EGFLAM: variants seen among roughly 807,000 people sequenced by gnomAD.
EGFLAM encodes the protein pikachurin.
In EGFLAM, 79 loss-of-function variants were observed where a neutral mutation model predicts 113.1. That is an observed-to-expected ratio of 0.70 (90% CI 0.58 to 0.84). The LOEUF (loss-of-function observed/expected upper bound fraction) is 0.84, where lower values mean the gene tolerates loss of function less well. EGFLAM is among the 40% of genes least tolerant of loss of function. The pLI is 0.00. For synonymous variants in EGFLAM, 504 were observed against 487.6 expected, an observed-to-expected ratio of 1.03 and a Z score of -0.44; for missense variants, 1,265 against 1,291.6, an observed-to-expected ratio of 0.98 and a Z score of 0.32.
rs1413357360 is a variant in EGFLAM at position 38,352,183 on chromosome 5, T to A, written c.410-13T>A. 1 of 1,613,940 alleles carries A rather than the reference T, an allele frequency of 6.2e-7. No individual in the cohort carries two copies. Among genetic ancestry groups the A allele is most frequent in the Non-Finnish European group, 8.5e-7 (1 of 1,179,912 alleles). ...CACCAGCCTAGTCTAGTTGTGTTTG[T>A]CATCCCACCTAGATTCCTGCCTGCC... On this transcript the variant is annotated splice_polypyrimidine_tract_variant and intron_variant, in intron 4 of 21. Transcript: ENST00000322350.
In EGFLAM at chr5:38,370,393, G is replaced by T. The variant is rs943060822; in HGVS notation, c.643G>T (p.Ala215Ser). The T allele has an allele frequency of 1.2e-6, 2 of 1,614,096 alleles. No individual in the cohort carries two copies. Among genetic ancestry groups the T allele is most frequent in the African/African-American group, 2.7e-5 (2 of 74,932 alleles). ...CGATCCAGATACCAACTACCAGTTT[G>T]CCGTGAGGGCAATGAATTCCCATGG... is the stretch of plus-strand genomic sequence containing the variant. ...GLDPDTNYQFAVRAMNSHGPS... is the reference protein window; with the variant it reads ...GLDPDTNYQFSVRAMNSHGPS... Residue 215 changes from alanine to serine, a missense_variant, in exon 6 of 22, where the codon GCC (alanine) becomes TCC (serine). Physicochemically the swap from Ala to Ser is moderately conservative, Grantham distance 99 (BLOSUM62 1). Transcript: ENST00000322350.
intron 1 of EGFLAM, among the ~76,000 whole-genome samples, chr5:38,292,813 A>C (rs1758368132): frequency 6.6e-6 from 1 of 152,230 alleles, no homozygotes; most frequent in Non-Finnish European, 1.5e-5. Flanking sequence ...AGGAAAAGAC[A>C]GCATAAAGAG....
intron 1 of EGFLAM, among the ~76,000 whole-genome samples, chr5:38,335,860 T>C (rs1210203188): frequency 6.6e-6 from 1 of 152,220 alleles, no homozygotes; most frequent in Non-Finnish European, 1.5e-5. Context: ...AGTTGCAAAG[T>C]ATCCTAACTG....
At chr5:38,388,709 G>A (rs557117515) in intron 6 of EGFLAM, among the ~76,000 whole-genome samples, 1 of 150,188 alleles carries the variant, frequency 6.7e-6, no homozygotes, top group East Asian at 2.0e-4. Flanking sequence ...GCAGGGAGCC[G>A]AGATTGGGCC....
chr5:38,360,950 G>A (rs983398601), intron 5 of EGFLAM, among the ~76,000 whole-genome samples: 13 of 151,576 alleles, frequency 8.6e-5, no homozygotes, highest in African/African-American at 2.9e-4. Flanking sequence ...CACTTCCCAG[G>A]TTCAAGCAAT....
At chr5:38,392,848 G>T (rs1483144217) in intron 6 of EGFLAM, among the ~76,000 whole-genome samples, 1 of 151,936 alleles carries the variant, frequency 6.6e-6, no homozygotes, top group Non-Finnish European at 1.5e-5. Context: ...CCTACCCCAC[G>T]ACAGGCCCCG....
At chr5:38,317,125 A>C (rs560694942) in intron 1 of EGFLAM, among the ~76,000 whole-genome samples, 1 of 152,328 alleles carries the variant, frequency 6.6e-6, no homozygotes, top group Non-Finnish European at 1.5e-5. Flanking sequence ...TATGATCTTG[A>C]ACATGTCAAA....
At chr5:38,398,831 A>G (rs1018845149) in intron 6 of EGFLAM, among the ~76,000 whole-genome samples, 1 of 152,252 alleles carries the variant, frequency 6.6e-6, no homozygotes, top group African/African-American at 2.4e-5. Context: ...GAGATGACCC[A>G]GTTTCTGTCT....
At chr5:38,402,638 A>G (rs1326994295) in intron 6 of EGFLAM, among the ~76,000 whole-genome samples, 1 of 152,088 alleles carries the variant, frequency 6.6e-6, no homozygotes, top group East Asian at 1.9e-4. Context: ...ACTACTCTTA[A>G]CTCAGTTTTC....
At chr5:38,442,489 AAG>A (rs1443167204) in intron 17 of EGFLAM, among the ~76,000 whole-genome samples, 3 of 151,036 alleles carry the variant, frequency 2.0e-5, no homozygotes, top group Non-Finnish European at 4.4e-5. Flanking sequence ...TTAATTGGAA[AAG>A]AGAGGTTATT....
Position 38,338,714 on chromosome 5 carries a change from T to A in EGFLAM, c.224T>A (p.Val75Asp). 2 of 1,614,224 alleles carry A rather than the reference T, an allele frequency of 1.2e-6. No homozygotes were observed. The highest frequency in any genetic ancestry group is 1.7e-6 in the Non-Finnish European group (2 of 1,180,026). ...ILGYTVFYSE[V>D]GADKSLQEQL... is the part of the protein sequence containing the mutation. ...CTTTTCAAGGTCTTTTACTCTGAGG[T>A]TGGCGCAGATAAATCCCTGCAGGAG... Residue 75 changes from valine to aspartate, a missense_variant, in exon 3 of 22, where the codon GTT (valine) becomes GAT (aspartate). By Grantham distance (152) the Val-to-Asp change is radical. Transcript: ENST00000322350.
In EGFLAM at chr5:38,303,102, A is replaced by G. The variant is rs540106925; in HGVS notation, c.98-34418A>G. 3.9e-5 allele frequency among the ~76,000 whole-genome samples: 6 copies of G among 152,232 alleles called. No homozygotes were observed. The South Asian group carries it at 1.2e-3, about 32-fold the overall frequency. On this transcript the variant is annotated intron_variant, in intron 1 of 21. Transcript: ENST00000322350. ...CATGTAGTAGTTGTGGAAGAGCAGA[A>G]ATATACCCATTGTCCTTGGGATTTA...
intron 6 of EGFLAM, among the ~76,000 whole-genome samples, chr5:38,376,448 G>A (rs1302057431): frequency 6.6e-6 from 1 of 152,184 alleles, no homozygotes; most frequent in African/African-American, 2.4e-5. Context: ...CTCATGATAT[G>A]AGCAGAGAAA....
At chr5:38,443,712 C>A (rs1561097155) in intron 17 of EGFLAM, among the ~76,000 whole-genome samples, 1 of 151,718 alleles carries the variant, frequency 6.6e-6, no homozygotes. Flanking sequence ...GCCCACAGGG[C>A]CCTTTGCTTT....
At chr5:38,407,630 A>G (rs1741332722) in intron 8 of EGFLAM, among the ~76,000 whole-genome samples, 175 bp from the exon 9 acceptor site, 1 of 152,222 alleles carries the variant, frequency 6.6e-6, no homozygotes, top group Non-Finnish European at 1.5e-5. Flanking sequence ...CAGAAGCTCA[A>G]AGTCTCCAAG....
chr5:38,393,697 G>C (rs1332409150), intron 6 of EGFLAM, among the ~76,000 whole-genome samples: 2 of 152,228 alleles, frequency 1.3e-5, no homozygotes, highest in African/African-American at 4.8e-5. Flanking sequence ...CAGAGCGAAC[G>C]AATGCTGGCA....
chr5:38,442,946 T>C (rs967404559), intron 17 of EGFLAM, among the ~76,000 whole-genome samples: 7 of 152,204 alleles, frequency 4.6e-5, no homozygotes, highest in Admixed American at 1.3e-4. Flanking sequence ...CGCCCTGATA[T>C]CGCATAACAA....
At chr5:38,311,463 C>T (rs977228918) in intron 1 of EGFLAM, among the ~76,000 whole-genome samples, 1 of 152,136 alleles carries the variant, frequency 6.6e-6, no homozygotes. Flanking sequence ...CTGTGCCTGG[C>T]TTATTTCACT....
At chr5:38,453,799 A>G (rs1178606947) in intron 19 of EGFLAM, among the ~76,000 whole-genome samples, 1 of 152,082 alleles carries the variant, frequency 6.6e-6, no homozygotes, top group Admixed American at 6.6e-5. Context: ...GGATGGTCCA[A>G]CTTCCCCCTA....
Sources: gnomAD v4.1 joint callset for allele counts (sites outside exome capture counted in the v4.1 genomes callset) on GRCh38, gnomAD v4.1.1 for gene constraint, MANE v1.5 for transcripts, NCBI Gene and HGNC (gene_info 2026-07-23, HGNC 2026-07-21) for gene names.